BAAT: variants seen among roughly 807,000 people sequenced by gnomAD.
BAAT encodes bile acid-CoA:amino acid N-acyltransferase.
Under a neutral mutation model 18.9 loss-of-function variants are expected in BAAT, and 13 were observed. The ratio of observed to expected loss-of-function variants is 0.69; its 90% confidence interval spans 0.45 to 1.10. The LOEUF (loss-of-function observed/expected upper bound fraction) is 1.10, where lower values mean the gene tolerates loss of function less well. Ranked by LOEUF, BAAT falls within the 50% of genes least tolerant of loss-of-function variation. BAAT has a pLI of 0.00. For synonymous variants in BAAT, 170 were observed against 190.7 expected (o/e 0.89, Z 0.89); for missense variants, 489 against 504.0 (o/e 0.97, Z 0.28).
At chr9:101,363,173 A>G (rs956060929) in intron 3 of BAAT, among the ~76,000 whole-genome samples, 158 bp from the exon 4 acceptor site, 2 of 152,222 alleles carry the variant, frequency 1.3e-5, no homozygotes, top group Non-Finnish European at 2.9e-5. Context: ...TATAATATGT[A>G]TTCAAAAGAA....
At chr9:101,383,464 A>T (rs567426961) in intron 1 of BAAT, 3 of 152,178 alleles carry the variant, frequency 2.0e-5, no homozygotes, top group Admixed American at 2.0e-4. Context: ...TTAAAATACA[A>T]AGTACCTGGA....
chr9:101,368,622 A>G, intron 2 of BAAT, among the ~76,000 whole-genome samples: 1 of 152,134 alleles, frequency 6.6e-6, no homozygotes, highest in Non-Finnish European at 1.5e-5. Flanking sequence ...ACTAGGAACT[A>G]CATTCAGAGA....
intron 1 of BAAT, chr9:101,375,849 T>G (rs1349285210): frequency 1.3e-5 from 2 of 152,396 alleles, no homozygotes; most frequent in Non-Finnish European, 2.9e-5. Context: ...CTTTTCTCCT[T>G]TTTGCCCAAT....
At chr9:101,372,829 C>T (rs1288649584) in intron 1 of BAAT, among the ~76,000 whole-genome samples, 1 of 151,998 alleles carries the variant, frequency 6.6e-6, no homozygotes, top group African/African-American at 2.4e-5. Flanking sequence ...GAGAAATCAA[C>T]AGAAAATTTA....
intron 2 of BAAT, 98 bp downstream of exon 2, chr9:101,370,841 A>G: frequency 1.5e-6 from 2 of 1,310,796 alleles, no homozygotes; most frequent in Non-Finnish European, 2.2e-6. Context: ...AACAATAACC[A>G]GAGTAATTCT....
chr9:101,366,470 G>C (rs1201053666), intron 3 of BAAT, among the ~76,000 whole-genome samples: 2 of 152,096 alleles, frequency 1.3e-5, no homozygotes, highest in Non-Finnish European at 2.9e-5. Flanking sequence ...AGGTTTAATG[G>C]AATTTCTCAG....
rs1327073550 is a variant in BAAT at position 101,380,829 on chromosome 9, C to A, written c.-60+4026G>T. Among the ~76,000 whole-genome samples, 11 of 152,244 alleles carry A rather than the reference C, an allele frequency of 7.2e-5. 1 individual carries two copies. The South Asian group carries it at 2.1e-3, about 29-fold the overall frequency. On this transcript the variant is annotated intron_variant, in intron 1 of 3. Coordinates refer to ENST00000259407, the MANE Select transcript of BAAT (RefSeq NM_001701.4). The stretch of plus-strand genomic sequence containing the variant: ...AGTGCAGTGGTGCAATCTTGGCTCA[C>A]TGCAATCTCCACTTCCCAGTTCAAG...
At chr9:101,381,202 A>G (rs1221834523) in intron 1 of BAAT, among the ~76,000 whole-genome samples, 1 of 152,056 alleles carries the variant, frequency 6.6e-6, no homozygotes. Flanking sequence ...TAATTACGTT[A>G]AATACAAACA....
At position 101,364,388 on chromosome 9, in the gene BAAT, A is replaced by G. The variant is rs562840100; in HGVS notation, c.670-1373T>C. On this transcript the variant is annotated intron_variant, in intron 3 of 3. Coordinates refer to ENST00000259407, the MANE Select transcript of BAAT (RefSeq NM_001701.4). ...TTTGTGACCTTCAGAGTAAGGCTAG[A>G]AAATTGCAGAAATGTCAATCTAATC... 5.9e-5 allele frequency among the ~76,000 whole-genome samples: 9 copies of G among 152,330 alleles called. No individual in the cohort carries two copies. In the South Asian group the frequency reaches 6.2e-4, roughly 11 times the overall value.
intron 1 of BAAT, among the ~76,000 whole-genome samples, chr9:101,376,816 T>C (rs1469022330): frequency 1.3e-5 from 2 of 152,074 alleles, no homozygotes; most frequent in Non-Finnish European, 2.9e-5. Flanking sequence ...TAGATACAAA[T>C]AAATAGATCT....
intron 1 of BAAT, among the ~76,000 whole-genome samples, chr9:101,373,254 G>A (rs1829985855): frequency 6.6e-6 from 1 of 152,128 alleles, no homozygotes; most frequent in Admixed American, 6.6e-5. Context: ...GCTTGGCAAT[G>A]AGTACTTGGC....
At chr9:101,363,569 G>A (rs1279923701) in intron 3 of BAAT, among the ~76,000 whole-genome samples, 1 of 151,906 alleles carries the variant, frequency 6.6e-6, no homozygotes, top group Non-Finnish European at 1.5e-5. Flanking sequence ...CCTACGGCAA[G>A]CACTGGGAGT....
At chr9:101,363,760 C>G (rs756475654) in intron 3 of BAAT, among the ~76,000 whole-genome samples, 3 of 152,130 alleles carry the variant, frequency 2.0e-5, no homozygotes, top group African/African-American at 7.2e-5. Flanking sequence ...CAAAGAAAGG[C>G]TCTCAGAGGA....
intron 1 of BAAT, among the ~76,000 whole-genome samples, chr9:101,380,438 T>C (rs1013725626): frequency 6.6e-6 from 1 of 152,140 alleles, no homozygotes; most frequent in Non-Finnish European, 1.5e-5. Flanking sequence ...TGTCACTCTC[T>C]TTGTTCAGTG....
Position 101,362,559 on chromosome 9 carries a change from T to C in BAAT, c.1126A>G (p.Thr376Ala), listed in dbSNP as rs1008438936. The C allele has an allele frequency of 8.7e-6, 14 of 1,613,972 alleles. No homozygotes were observed. The Admixed American group carries it at 1.5e-4, about 17-fold the overall frequency. Residue 376 changes from threonine (T) to alanine (A), a missense_variant, in exon 4 of 4, where the codon ACG becomes GCG. By Grantham distance (58) the Thr-to-Ala change is moderately conservative. Transcript: ENST00000259407. ...PPYSPLCCAS[T>A]THDLRLHWGG... The stretch of plus-strand genomic sequence containing the variant: ...CAGTGTAACCTCAAATCGTGGGTCG[T>C]TGAGGCACAGCACAGAGGAGAATAG...
At chr9:101,382,744 AG>A (rs1830151759) in intron 1 of BAAT, among the ~76,000 whole-genome samples, 1 of 152,196 alleles carries the variant, frequency 6.6e-6, no homozygotes, top group African/African-American at 2.4e-5. Context: ...CCAGTAACTC[AG>A]ATATTCACCA....
chr9:101,375,783 C>T (rs1022207396), intron 1 of BAAT, among the ~76,000 whole-genome samples: 6 of 152,178 alleles, frequency 3.9e-5, no homozygotes, highest in Non-Finnish European at 8.8e-5. Context: ...ATTCAAATGG[C>T]GAGGCAGGGA....
rs764354737 is a variant in BAAT, at chr9:101,362,920, T to C, written c.765A>G (p.Val255=). 6.2e-7 allele frequency: 1 copy of C among 1,614,058 alleles called. No homozygotes were observed. Among genetic ancestry groups the C allele is most frequent in the South Asian group, 1.1e-5 (1 of 91,078 alleles). ...AAGGAAAGTTGGTCCCATTAATAAG[T>C]ACCGTGGCTGTGACTTGCTTTAGGT... The part of the protein sequence containing the change: ...AIYLKQVTAT[V]LINGTNFPFG... Residue 255 remains valine, a synonymous_variant, in exon 4 of 4, where the codon GTA becomes GTG. Coordinates refer to ENST00000259407, the MANE Select transcript of BAAT (RefSeq NM_001701.4).
chr9:101,382,109 G>C (rs1477373944), intron 1 of BAAT, among the ~76,000 whole-genome samples: 1 of 152,160 alleles, frequency 6.6e-6, no homozygotes, highest in Non-Finnish European at 1.5e-5. Flanking sequence ...TGGGGCAGGA[G>C]AGGGTTGCCC....
Sources: allele counts gnomAD v4.1 joint callset (sites outside exome capture counted in the v4.1 genomes callset), GRCh38; gene constraint gnomAD v4.1.1; transcripts MANE v1.5; gene names NCBI Gene and HGNC (gene_info 2026-07-23, HGNC 2026-07-21).